The following ZNF438 variants were observed in gnomAD, a reference collection of about 807,000 sequenced individuals.
The protein encoded by ZNF438 is zinc finger protein 438.
Under a neutral mutation model 38.0 loss-of-function variants are expected in ZNF438, and 25 were observed. That is an observed-to-expected ratio of 0.66 (90% CI 0.48 to 0.92). The LOEUF is 0.92. Ranked by LOEUF, ZNF438 falls within the 40% of genes least tolerant of loss-of-function variation. The probability of loss-of-function intolerance (pLI) is 0.00; values close to 1 mark genes in which losing one functional copy is unlikely to be tolerated. For synonymous variants in ZNF438, 372 were observed against 364.1 expected (o/e 1.02, Z -0.25); for missense variants, 1,007 against 999.6 (o/e 1.01, Z -0.10).
At chr10:30,864,066 A>G (rs1403807406) in intron 4 of ZNF438, among the ~76,000 whole-genome samples, 1 of 152,054 alleles carries the variant, frequency 6.6e-6, no homozygotes, top group Non-Finnish European at 1.5e-5. Flanking sequence ...TCTCTTGCCA[A>G]TGTTTTTTGA....
At chr10:30,978,786 C>A (rs535116923) in intron 1 of ZNF438, among the ~76,000 whole-genome samples, 3 of 152,242 alleles carry the variant, frequency 2.0e-5, no homozygotes, top group African/African-American at 7.2e-5. Flanking sequence ...GAAGTTTATC[C>A]ATATTTCTAG....
At chr10:30,963,392 C>CAAAAAA (rs753557823) in intron 1 of ZNF438, among the ~76,000 whole-genome samples, 16 of 86,016 alleles carry the variant, frequency 1.9e-4, no homozygotes, top group East Asian at 1.1e-3. Flanking sequence ...AACTCCATCT[C>CAAAAAA]AAAAAAAAAA....
chr10:30,998,540 C>CAAAAAAAAAAAA (rs55838240), intron 1 of ZNF438, among the ~76,000 whole-genome samples: 1 of 33,878 alleles, frequency 3.0e-5, no homozygotes, highest in Non-Finnish European at 4.8e-5. Flanking sequence ...GAGACTGTCT[C>CAAAAAAAAAAAA]AAAAAAAAAA....
At position 30,850,326 on chromosome 10, in the gene ZNF438, C is replaced by T. The variant is rs143937592; in HGVS notation, c.79G>A (p.Gly27Ser). ...CTAAACTGACTCTTATTCTGCAAAC[C>T]TTTCCTACTCTGTATTGTTCCAGAA... The change falls in exon 5 of 6, where the codon GGT becomes AGT. Residue 27 changes from glycine (G) to serine (S), a missense_variant. Physicochemically the swap from Gly to Ser is moderately conservative, Grantham distance 56 (BLOSUM62 0). Coordinates refer to ENST00000413025, the Ensembl canonical transcript of ZNF438. 295 of 1,614,002 alleles carry T rather than the reference C, an allele frequency of 1.8e-4. No homozygotes were observed. The highest frequency in any genetic ancestry group is 1.2e-3 in the Middle Eastern group (7 of 6,084).
At chr10:30,928,721 T>G (rs1008365095) in intron 2 of ZNF438, among the ~76,000 whole-genome samples, 2 of 152,192 alleles carry the variant, frequency 1.3e-5, no homozygotes, top group African/African-American at 4.8e-5. Flanking sequence ...TACCCTCCAC[T>G]GTCCCCGAGT....
chr10:30,883,291 G>T (rs1356176105), intron 3 of ZNF438, among the ~76,000 whole-genome samples: 1 of 152,032 alleles, frequency 6.6e-6, no homozygotes, highest in Non-Finnish European at 1.5e-5. Flanking sequence ...AAACTCTCTG[G>T]CAATGTGCAT....
chr10:30,918,618 G>A (rs376894338), intron 2 of ZNF438, among the ~76,000 whole-genome samples: 93 of 152,128 alleles, frequency 6.1e-4, no homozygotes, highest in African/African-American at 2.1e-3. Flanking sequence ...CATGAAAATC[G>A]TGAGAAAGTT....
intron 1 of ZNF438, among the ~76,000 whole-genome samples, chr10:30,976,007 C>T (rs766654646): frequency 5.9e-5 from 9 of 151,946 alleles, no homozygotes; most frequent in Non-Finnish European, 1.0e-4. Flanking sequence ...TCAAGAGATA[C>T]CATCCTATTC....
intron 2 of ZNF438, among the ~76,000 whole-genome samples, chr10:30,939,402 C>T (rs2046585409): frequency 6.6e-6 from 1 of 152,140 alleles, no homozygotes; most frequent in South Asian, 2.1e-4. Flanking sequence ...GTTTTTCTCC[C>T]TATAGATAGA....
In ZNF438 at chr10:30,959,980, AATCTCATTGTGGT is replaced by A. The variant is rs149713241; in HGVS notation, c.-191-18342_-191-18330del. On this transcript the variant is annotated intron_variant, in intron 1 of 5. Transcript: ENST00000413025. ...TTATTACAGCCATCCTAGGGGATGT[AATCTCATTGTGGT>A]ATCTCATTGTGTTTTTAATGTGTAT... 6.2e-3 allele frequency among the ~76,000 whole-genome samples: 906 copies of A among 147,180 alleles called. 38 individuals carry two copies. The highest frequency in any genetic ancestry group is 0.021 in the African/African-American group (872 of 41,184).
chr10:30,909,957 C>A (rs544485953), intron 2 of ZNF438, among the ~76,000 whole-genome samples: 2 of 152,282 alleles, frequency 1.3e-5, no homozygotes, highest in South Asian at 2.1e-4. Flanking sequence ...TCATAACCAA[C>A]GTAAAGGTCA....
At chr10:30,902,057 CAA>C (rs1397380057) in intron 3 of ZNF438, among the ~76,000 whole-genome samples, 1 of 152,026 alleles carries the variant, frequency 6.6e-6, no homozygotes, top group Non-Finnish European at 1.5e-5. Context: ...AGTGTGGACC[CAA>C]AGAGTGGGCA....
At chr10:30,897,145 A>C (rs1170976758) in intron 3 of ZNF438, among the ~76,000 whole-genome samples, 1 of 152,208 alleles carries the variant, frequency 6.6e-6, no homozygotes, top group Admixed American at 6.5e-5. Flanking sequence ...TGGTAAAGGA[A>C]TATCTTCTTA....
intron 1 of ZNF438, among the ~76,000 whole-genome samples, chr10:30,943,420 T>C (rs893068094): frequency 2.6e-5 from 4 of 151,570 alleles, no homozygotes; most frequent in Non-Finnish European, 5.9e-5. Flanking sequence ...AGCATATGAA[T>C]GGAAAAAATA....
chr10:30,976,062 AT>A (rs1327970968), intron 1 of ZNF438, among the ~76,000 whole-genome samples: 6 of 152,130 alleles, frequency 3.9e-5, no homozygotes, highest in South Asian at 4.1e-4. Context: ...AGTTAAAAAA[AT>A]ATTTAAAATA....
intron 1 of ZNF438, among the ~76,000 whole-genome samples, chr10:31,020,534 G>C (rs2056517315): frequency 6.6e-6 from 1 of 152,152 alleles, no homozygotes; most frequent in South Asian, 2.1e-4. Context: ...CAAGCAGCTT[G>C]AAGAGGTCAT....
chr10:30,933,591 T>C (rs995605674), intron 2 of ZNF438, among the ~76,000 whole-genome samples: 1 of 150,722 alleles, frequency 6.6e-6, no homozygotes, highest in African/African-American at 2.4e-5. Flanking sequence ...GTACTTCATC[T>C]TGGGTGACAG....
intron 1 of ZNF438, among the ~76,000 whole-genome samples, chr10:30,998,643 C>T (rs2132732216): frequency 6.9e-6 from 1 of 144,064 alleles, no homozygotes; most frequent in Non-Finnish European, 1.5e-5. Flanking sequence ...TGATCATAAG[C>T]TCATGGTTAT....
chr10:30,929,563 G>A (rs1372913809), intron 2 of ZNF438, among the ~76,000 whole-genome samples: 1 of 152,176 alleles, frequency 6.6e-6, no homozygotes, highest in Non-Finnish European at 1.5e-5. Flanking sequence ...AAGAGTGAAA[G>A]AACAAAGCTT....
Sources: allele counts gnomAD v4.1 joint callset (sites outside exome capture counted in the v4.1 genomes callset), GRCh38; gene constraint gnomAD v4.1.1; transcripts MANE v1.5; gene names NCBI Gene and HGNC (gene_info 2026-07-23, HGNC 2026-07-21).